FGD4: variants seen among roughly 807,000 people sequenced by gnomAD.
FGD4 encodes FYVE, RhoGEF and PH domain-containing protein 4.
FGD4 carries 42 observed loss-of-function variants against 102.0 expected under a neutral mutation model. That is an observed-to-expected ratio of 0.41 (90% confidence interval 0.32 to 0.53). The LOEUF is 0.53. Ranked by LOEUF, FGD4 falls within the 20% of genes least tolerant of loss-of-function variation. The probability of loss-of-function intolerance (pLI) is 0.21; values close to 1 mark genes in which losing one functional copy is unlikely to be tolerated. For missense variants in FGD4, 902 were observed against 1,078.2 expected, an observed-to-expected ratio of 0.84 and a Z score of 2.29; for synonymous variants, 380 against 375.7, an observed-to-expected ratio of 1.01 and a Z score of -0.13.
At chr12:32,571,629 A>C (rs1181193565) in intron 2 of FGD4, among the ~76,000 whole-genome samples, 2 of 152,168 alleles carry the variant, frequency 1.3e-5, no homozygotes, top group Non-Finnish European at 2.9e-5. Flanking sequence ...TTAGTTGAGA[A>C]GATATTTGAA....
chr12:32,457,650 A>T (rs2136487592), intron 1 of FGD4, among the ~76,000 whole-genome samples: 1 of 152,326 alleles, frequency 6.6e-6, no homozygotes, highest in African/African-American at 2.4e-5. Context: ...GAATACAAGG[A>T]TTGCTTTCTG....
At chr12:32,494,214 T>TTTTAA (rs1302956449) in intron 1 of FGD4, among the ~76,000 whole-genome samples, 11 of 152,092 alleles carry the variant, frequency 7.2e-5, no homozygotes, top group African/African-American at 2.4e-4. Flanking sequence ...AACTTTTTAA[T>TTTTAA]TTTATTTTAT....
rs189094100 is a variant in FGD4, at chr12:32,422,384, C to T, written c.166+22425C>T. 1.1e-3 allele frequency among the ~76,000 whole-genome samples: 158 copies of T among 140,904 alleles called. No homozygotes were observed. The Middle Eastern group carries it at 0.021, about 19-fold the overall frequency. 92.4% of individuals were successfully genotyped at this position (140,904 alleles called of 152,430 possible). On this transcript the variant is annotated intron_variant, in intron 1 of 16. Transcript: ENST00000534526. ...TGGGATCTCGGTTCACTACAAGCTC[C>T]GCTTCCCGAGTTCACGCCATTCTCC...
At chr12:32,477,561 T>C (rs1397226250) in intron 1 of FGD4, 1 of 152,278 alleles carries the variant, frequency 6.6e-6, no homozygotes, top group East Asian at 1.9e-4. Flanking sequence ...TCCAGCACCA[T>C]TGGTTGTGTC....
intron 2 of FGD4, among the ~76,000 whole-genome samples, chr12:32,566,167 G>C (rs976754162): frequency 6.6e-6 from 1 of 152,156 alleles, no homozygotes; most frequent in African/African-American, 2.4e-5. Flanking sequence ...TGTAATGAGG[G>C]CCTGCTTTGT....
Position 32,424,652 on chromosome 12 carries a change from T to G in FGD4, c.166+24693T>G, listed in dbSNP as rs151226265. ...ATTTTTGAGAAATAGCCATACTGTC[T>G]TCCACAATGGTTGAACTAATTTACA... On this transcript the variant is annotated intron_variant, in intron 1 of 16. Transcript: ENST00000534526. 3.6e-3 allele frequency among the ~76,000 whole-genome samples: 543 copies of G among 152,360 alleles called. 6 individuals carry two copies. Among genetic ancestry groups the G allele is most frequent in the African/African-American group, 0.013 (521 of 41,586 alleles).
At chr12:32,570,621 T>A (rs1170968007) in intron 2 of FGD4, among the ~76,000 whole-genome samples, 1 of 151,926 alleles carries the variant, frequency 6.6e-6, no homozygotes, top group Non-Finnish European at 1.5e-5. Flanking sequence ...TTTGTATTTT[T>A]AGTAGCGTGG....
At chr12:32,472,540 C>T (rs1228259943) in intron 1 of FGD4, among the ~76,000 whole-genome samples, 3 of 152,364 alleles carry the variant, frequency 2.0e-5, no homozygotes, top group South Asian at 4.1e-4. Flanking sequence ...GGGCAGGGCT[C>T]GGGACCTGCA....
chr12:32,558,527 T>C (rs1158214260), intron 1 of FGD4, among the ~76,000 whole-genome samples: 1 of 152,202 alleles, frequency 6.6e-6, no homozygotes, highest in Non-Finnish European at 1.5e-5. Context: ...GATTTTGCAA[T>C]GGATAGCCAA....
At chr12:32,430,415 A>G (rs1942008647) in intron 1 of FGD4, among the ~76,000 whole-genome samples, 1 of 152,172 alleles carries the variant, frequency 6.6e-6, no homozygotes, top group African/African-American at 2.4e-5. Flanking sequence ...ATTAACTCAA[A>G]TCCTCTATTG....
chr12:32,450,264 G>T (rs1309869494), intron 1 of FGD4, among the ~76,000 whole-genome samples: 1 of 152,054 alleles, frequency 6.6e-6, no homozygotes, highest in Non-Finnish European at 1.5e-5. Context: ...TGGAGACAGT[G>T]TCTTGCCATG....
At chr12:32,481,401 A>T (rs1294426210) in intron 1 of FGD4, among the ~76,000 whole-genome samples, 1 of 152,208 alleles carries the variant, frequency 6.6e-6, no homozygotes, top group Non-Finnish European at 1.5e-5. Flanking sequence ...AACTGGGTGA[A>T]TGGTACACTG....
intron 1 of FGD4, among the ~76,000 whole-genome samples, chr12:32,561,406 A>G (rs568035464): frequency 6.6e-6 from 1 of 152,166 alleles, no homozygotes; most frequent in Admixed American, 6.5e-5. Context: ...TTTCTAATCA[A>G]TATTATTTAA....
At chr12:32,501,703 A>T (rs1938230625) in intron 1 of FGD4, among the ~76,000 whole-genome samples, 2 of 152,212 alleles carry the variant, frequency 1.3e-5, no homozygotes, top group African/African-American at 2.4e-5. Flanking sequence ...TATTTGTTTT[A>T]AAAAATCCTT....
chr12:32,470,019 TC>T (rs992785076), intron 1 of FGD4, among the ~76,000 whole-genome samples: 12 of 152,324 alleles, frequency 7.9e-5, no homozygotes, highest in Middle Eastern at 3.4e-3. Context: ...AACTTTTTTT[TC>T]CCTGAAAGTC....
At chr12:32,632,852 G>A (rs1950574458) in intron 14 of FGD4, among the ~76,000 whole-genome samples, 1 of 151,760 alleles carries the variant, frequency 6.6e-6, no homozygotes, top group South Asian at 2.1e-4. Flanking sequence ...ATAGGTGTGA[G>A]CCACCACACC....
intron 1 of FGD4, among the ~76,000 whole-genome samples, chr12:32,457,756 G>T (rs186534537): frequency 9.3e-4 from 142 of 152,218 alleles, no homozygotes; most frequent in African/African-American, 3.3e-3. Flanking sequence ...GGTTATTTGT[G>T]CCTGGAACAG....
intron 1 of FGD4, among the ~76,000 whole-genome samples, chr12:32,437,224 G>A (rs142374607): frequency 6.6e-6 from 1 of 152,048 alleles, no homozygotes. Context: ...TTGGCCAGAC[G>A]GCTGATTACA....
intron 1 of FGD4, among the ~76,000 whole-genome samples, chr12:32,478,010 T>G (rs1476688802): frequency 1.3e-5 from 2 of 152,198 alleles, no homozygotes; most frequent in African/African-American, 4.8e-5. Context: ...GCTAGTAAAT[T>G]TCTCCATATC....
Sources: gnomAD v4.1 joint callset for allele counts (sites outside exome capture counted in the v4.1 genomes callset) on GRCh38, gnomAD v4.1.1 for gene constraint, MANE v1.5 for transcripts, NCBI Gene and HGNC (gene_info 2026-07-23, HGNC 2026-07-21) for gene names.